The following MROH1 variants were observed in gnomAD, a reference collection of about 807,000 sequenced individuals.
The protein encoded by MROH1 is maestro heat-like repeat-containing protein family member 1.
MROH1 carries 117 observed loss-of-function variants against 116.5 expected under a neutral mutation model. The ratio of observed to expected loss-of-function variants is 1.00; its 90% CI spans 0.86 to 1.17. The LOEUF is 1.17. Ranked by LOEUF, MROH1 falls within the 50% of genes most tolerant of loss-of-function variation. MROH1 has a pLI of 0.00. For missense variants in MROH1, 1,873 were observed against 1,338.5 expected, an observed-to-expected ratio of 1.40 and a Z score of -6.23; for synonymous variants, 921 against 583.9, an observed-to-expected ratio of 1.58 and a Z score of -8.32.
chr8:144,217,732 G>T (rs748815718), intron 12 of MROH1, among the ~76,000 whole-genome samples: 2 of 152,174 alleles, frequency 1.3e-5, no homozygotes, highest in Non-Finnish European at 2.9e-5. Flanking sequence ...GCCTCCCGAG[G>T]AGCTGGGATG....
intron 4 of MROH1, among the ~76,000 whole-genome samples, chr8:144,176,535 A>AG (rs1823978527): frequency 4.8e-5 from 1 of 20,792 alleles, no homozygotes; most frequent in Non-Finnish European, 1.3e-4. Context: ...ACCCTGACTC[A>AG]GAAAAAAAAA....
chr8:144,224,732 A>ACCCACCC (rs1434915390), intron 14 of MROH1, among the ~76,000 whole-genome samples: 1 of 152,174 alleles, frequency 6.6e-6, no homozygotes, highest in East Asian at 1.9e-4. Context: ...TTGCTCTGAG[A>ACCCACCC]CAAGTGGGCC....
intron 39 of MROH1, 88 bp downstream of exon 39, chr8:144,260,462 CCT>C (rs1246890241): frequency 5.7e-4 from 400 of 698,058 alleles, no homozygotes; most frequent in Non-Finnish European, 4.1e-4. Context: ...CACCCTCCTC[CCT>C]GTCTCCCACC....
At chr8:144,231,705 T>G (rs947726604) in intron 14 of MROH1, among the ~76,000 whole-genome samples, 2 of 152,148 alleles carry the variant, frequency 1.3e-5, no homozygotes, top group Non-Finnish European at 2.9e-5. Context: ...GTTTGAAATA[T>G]TCCAAGAATG....
chr8:144,217,735 C>G (rs1190916617), intron 12 of MROH1, among the ~76,000 whole-genome samples: 2 of 152,236 alleles, frequency 1.3e-5, no homozygotes, highest in Non-Finnish European at 2.9e-5. Context: ...TCCCGAGGAG[C>G]TGGGATGACA....
At chr8:144,191,344 A>G (rs947680071) in intron 8 of MROH1, among the ~76,000 whole-genome samples, 7 of 152,178 alleles carry the variant, frequency 4.6e-5, no homozygotes, top group African/African-American at 1.7e-4. Flanking sequence ...CTCTGGGATT[A>G]CAGGTGTGAG....
intron 24 of MROH1, 56 bp from the exon 25 acceptor site, chr8:144,243,438 G>T (rs953343550): frequency 1.3e-6 from 1 of 773,082 alleles, no homozygotes; most frequent in Non-Finnish European, 2.4e-6. Flanking sequence ...GGGTATGCGC[G>T]GGTTCAGCCC....
chr8:144,198,922 G>C (rs1830498207), intron 10 of MROH1, among the ~76,000 whole-genome samples, 200 bp from the exon 11 acceptor site: 1 of 152,128 alleles, frequency 6.6e-6, no homozygotes, highest in Non-Finnish European at 1.5e-5. Context: ...TCCCTGGAGG[G>C]CCTCTGATTA....
At position 144,260,288 on chromosome 8, in the gene MROH1, G is replaced by A. The variant is rs1844774344; in HGVS notation, c.4294G>A (p.Ala1432Thr). ...GGCCCTGGAGGCCATGCTGGGCCTT[G>A]CGAGGCTGGTGCACCTGGTGGAGTC... ...PVALEAMLGLARLVHLVESWD... is the reference protein window; with the variant it reads ...PVALEAMLGLTRLVHLVESWD... The change falls in exon 39 of 44, where the codon GCG (alanine) becomes ACG (threonine). Residue 1432 changes from alanine to threonine, a missense_variant. Ala to Thr is a moderately conservative substitution (Grantham distance 58). Transcript: ENST00000326134. 1 of 760,928 alleles carries A rather than the reference G, an allele frequency of 1.3e-6. No individual in the cohort carries two copies. Among genetic ancestry groups the A allele is most frequent in the South Asian group, 1.4e-5 (1 of 73,044 alleles). 47.1% of individuals were successfully genotyped at this position (760,928 alleles called of 1,614,324 possible). A position where few individuals can be genotyped will look rare whatever the true frequency, so the allele number is the denominator to read the frequency against.
Position 144,261,833 on chromosome 8 carries a change from C to G in MROH1, c.*93C>G. On this transcript the variant is annotated 3_prime_UTR_variant, in exon 44 of 44. Coordinates refer to ENST00000326134, the MANE Select transcript of MROH1 (RefSeq NM_032450.3). The stretch of plus-strand genomic sequence containing the variant: ...TCCTGAGGACCACAGCCTGGGCACA[C>G]GACTGGAGGGGCCTGGCCCCAGAAC... The G allele has an allele frequency of 1.4e-6, 1 of 699,228 alleles. No homozygotes were observed. The highest frequency in any genetic ancestry group is 1.7e-5 in the African/African-American group (1 of 57,250). 43.3% of individuals were successfully genotyped at this position (699,228 alleles called of 1,614,324 possible).
rs1478722581 is a variant in MROH1, at chr8:144,240,791, G to T, written c.1935+114G>T. The T allele has an allele frequency of 5.8e-6, 4 of 688,148 alleles. No homozygotes were observed. In the South Asian group the frequency reaches 6.2e-5, roughly 11 times the overall value. 42.6% of individuals were successfully genotyped at this position (688,148 alleles called of 1,614,324 possible). A position where few individuals can be genotyped will look rare whatever the true frequency, so the allele number is the denominator to read the frequency against. On this transcript the variant is annotated intron_variant, in intron 20 of 43. Transcript: ENST00000326134. ...CCCGTGGCCCTGGTGGCCTGGCAGA[G>T]CCTCCTTGTGGTGGCTGAGGGCCAG... is the stretch of plus-strand genomic sequence containing the variant.
intron 1 of MROH1, among the ~76,000 whole-genome samples, chr8:144,158,884 G>T (rs556181950): frequency 2.0e-5 from 3 of 152,112 alleles, no homozygotes; most frequent in Non-Finnish European, 4.4e-5. Context: ...GACTACAGGC[G>T]CACGCCACCA....
chr8:144,152,440 G>C (rs1817036273), intron 1 of MROH1, among the ~76,000 whole-genome samples: 1 of 151,638 alleles, frequency 6.6e-6, no homozygotes, highest in Non-Finnish European at 1.5e-5. Flanking sequence ...CCAGGCTGGA[G>C]TGCAGTGGCA....
At chr8:144,185,065 C>T (rs1056622792) in intron 7 of MROH1, among the ~76,000 whole-genome samples, 1 of 152,182 alleles carries the variant, frequency 6.6e-6, no homozygotes, top group Non-Finnish European at 1.5e-5. Flanking sequence ...GCCTCTTGCC[C>T]TTTTCTCTGT....
chr8:144,158,183 G>A (rs1021315337), intron 1 of MROH1, among the ~76,000 whole-genome samples: 3 of 151,586 alleles, frequency 2.0e-5, no homozygotes, highest in African/African-American at 4.9e-5. Context: ...AGTAGGGTTC[G>A]GGTTTCACCA....
intron 2 of MROH1, among the ~76,000 whole-genome samples, 190 bp downstream of exon 2, chr8:144,161,279 T>A (rs534244285): frequency 6.6e-6 from 1 of 152,310 alleles, no homozygotes; most frequent in South Asian, 2.1e-4. Context: ...CTTTGCTGTG[T>A]AAGGGTTCAT....
chr8:144,254,579 T>C (rs1843370376), intron 33 of MROH1: 3 of 548,486 alleles, frequency 5.5e-6, no homozygotes, highest in Non-Finnish European at 9.8e-6. Flanking sequence ...CCTGTGTGTA[T>C]AGGCCCAGAT....
chr8:144,247,210 G>T, intron 29 of MROH1, 91 bp from the exon 30 acceptor site: 1 of 707,642 alleles, frequency 1.4e-6, no homozygotes, highest in South Asian at 1.5e-5. Flanking sequence ...AGCACTCCTG[G>T]CCACACTCCA....
At chr8:144,258,419 C>T (rs1400084431) in intron 35 of MROH1, among the ~76,000 whole-genome samples, 1 of 152,190 alleles carries the variant, frequency 6.6e-6, no homozygotes, top group Non-Finnish European at 1.5e-5. Flanking sequence ...CAGGAACAGG[C>T]CCGGGGTGGG....
Sources: allele counts gnomAD v4.1 joint callset (sites outside exome capture counted in the v4.1 genomes callset), GRCh38; gene constraint gnomAD v4.1.1; transcripts MANE v1.5; gene names NCBI Gene and HGNC (gene_info 2026-07-23, HGNC 2026-07-21).